The following CD58 variants were observed in gnomAD, a reference collection of about 807,000 sequenced individuals.
CD58 encodes lymphocyte function-associated antigen 3.
Under a neutral mutation model 27.6 loss-of-function variants are expected in CD58, and 14 were observed. The observed-to-expected ratio is 0.51, with a 90% confidence interval of 0.34 to 0.79. The LOEUF (loss-of-function observed/expected upper bound fraction) is 0.79, where lower values mean the gene tolerates loss of function less well. Among genes scored for constraint, CD58 ranks in the 30% least tolerant of loss-of-function variants. CD58 has a pLI of 0.02. For missense variants in CD58, 268 were observed against 301.7 expected (o/e 0.89, Z 0.83); for synonymous variants, 117 against 103.8 (o/e 1.13, Z -0.77).
In CD58 at chr1:116,528,056, C is replaced by T. The variant is rs140489100; in HGVS notation, c.629-6073G>A. Among the ~76,000 whole-genome samples, 26 of 152,280 alleles carry T rather than the reference C, an allele frequency of 1.7e-4. No individual in the cohort carries two copies. In the East Asian group the frequency reaches 2.9e-3, roughly 17 times the overall value. On this transcript the variant is annotated intron_variant, in intron 3 of 5. Coordinates refer to ENST00000369489, the MANE Select transcript of CD58 (RefSeq NM_001779.3). This position sits in a 1 kb window ranked among gnomAD's most constrained non-coding sequence, Gnocchi z 4.4. ...GGGATTATAGGCATAAGCCACTGCA[C>T]GCAGCGTTCTTTCTCAATTTTTAAA...
At chr1:116,548,670 CA>C (rs1658279060) in intron 1 of CD58, among the ~76,000 whole-genome samples, 1 of 152,098 alleles carries the variant, frequency 6.6e-6, no homozygotes, top group African/African-American at 2.4e-5. Flanking sequence ...AAGAGTTATA[CA>C]TAAATTTTTG....
At position 116,532,645 on chromosome 1, in the gene CD58, G is replaced by A. The variant is rs1657654336; in HGVS notation, c.628+3320C>T. On this transcript the variant is annotated intron_variant, in intron 3 of 5. Transcript: ENST00000369489. This position sits in a 1 kb window ranked among gnomAD's most constrained non-coding sequence, Gnocchi z 5.1. The stretch of plus-strand genomic sequence containing the variant: ...CCCACCCCACCCCAATGGGGTCTAT[G>A]GGGCCCTCCCGCAGGGAAGGGTCCA... Among the ~76,000 whole-genome samples, 1 of 143,878 alleles carries A rather than the reference G, an allele frequency of 7.0e-6. No individual in the cohort carries two copies. The highest frequency in any genetic ancestry group is 1.5e-5 in the Non-Finnish European group (1 of 65,262). 94.4% of individuals were successfully genotyped at this position (143,878 alleles called of 152,430 possible).
intron 1 of CD58, among the ~76,000 whole-genome samples, chr1:116,567,150 AG>A (rs1478543341): frequency 6.8e-6 from 1 of 147,112 alleles, no homozygotes; most frequent in East Asian, 2.0e-4. Flanking sequence ...AAAAGAAAAG[AG>A]AAAAGGCAAT....
Position 116,546,873 on chromosome 1 carries a change from G to C in CD58, c.71-2269C>G, listed in dbSNP as rs1025262972. ...TTTCTTCCGCCTCTGCCATCCCTGA[G>C]ATAGCAAGACCAACCCCTCCTCCCA... is the stretch of plus-strand genomic sequence containing the variant. On this transcript the variant is annotated intron_variant, in intron 1 of 5. Coordinates refer to ENST00000369489, the MANE Select transcript of CD58 (RefSeq NM_001779.3). The surrounding 1 kb of genome is among the most constrained non-coding windows in gnomAD (Gnocchi z 4.1). 8.5e-5 allele frequency among the ~76,000 whole-genome samples: 13 copies of C among 152,120 alleles called. No individual in the cohort carries two copies. The highest frequency in any genetic ancestry group is 3.1e-4 in the African/African-American group (13 of 41,412).
chr1:116,566,905 G>A (rs771837121), intron 1 of CD58, among the ~76,000 whole-genome samples: 2 of 151,778 alleles, frequency 1.3e-5, no homozygotes, highest in African/African-American at 4.8e-5. Context: ...TTGGGAAACT[G>A]ACTTGGGAGG....
chr1:116,518,623 T>C (rs1038760511), intron 5 of CD58: 7 of 975,842 alleles, frequency 7.2e-6, no homozygotes, highest in Non-Finnish European at 8.5e-6. Flanking sequence ...CTTCCCCTCA[T>C]CCCTCAACAC....
chr1:116,545,623 A>G (rs908693659), intron 1 of CD58, among the ~76,000 whole-genome samples: 2 of 152,166 alleles, frequency 1.3e-5, no homozygotes, highest in Non-Finnish European at 2.9e-5. Flanking sequence ...CGAGGGTGTG[A>G]TGAAGATTAA....
chr1:116,549,501 AAC>A (rs907486890), intron 1 of CD58, among the ~76,000 whole-genome samples: 9 of 152,222 alleles, frequency 5.9e-5, no homozygotes, highest in Non-Finnish European at 8.8e-5. Flanking sequence ...GCATCAAACA[AAC>A]ACAATTCTAG....
chr1:116,534,497 C>T lies in CD58; in HGVS notation c.628+1468G>A, dbSNP rs1185402830. The stretch of plus-strand genomic sequence containing the variant: ...ATTTGAGCTGCCAGCCCCCACTCGC[C>T]GCCCTCTACGCCTCCTCCGCTGGGC... On this transcript the variant is annotated intron_variant, in intron 3 of 5. Transcript: ENST00000369489. This position sits in a 1 kb window ranked among gnomAD's most constrained non-coding sequence, Gnocchi z 5.3. 6.6e-6 allele frequency among the ~76,000 whole-genome samples: 1 copy of T among 152,210 alleles called. No homozygotes were observed. The highest frequency in any genetic ancestry group is 1.5e-5 in the Non-Finnish European group (1 of 68,038).
intron 3 of CD58, among the ~76,000 whole-genome samples, chr1:116,530,818 G>T (rs899287575): frequency 6.6e-6 from 1 of 152,040 alleles, no homozygotes; most frequent in African/African-American, 2.4e-5. Context: ...CTGTTCAAAA[G>T]AACCATTAAG....
At chr1:116,551,797 T>C (rs899938014) in intron 1 of CD58, among the ~76,000 whole-genome samples, 2 of 145,848 alleles carry the variant, frequency 1.4e-5, no homozygotes, top group East Asian at 2.2e-4. Context: ...TGGAGTGCAA[T>C]AGTGCCATCT....
At chr1:116,530,017 G>C (rs1015461935) in intron 3 of CD58, among the ~76,000 whole-genome samples, 2 of 152,062 alleles carry the variant, frequency 1.3e-5, no homozygotes, top group African/African-American at 2.4e-5. Context: ...TATAGTATGG[G>C]TTTCTCTAGC....
Position 116,563,444 on chromosome 1 carries a change from T to TGG in CD58, c.70+7457_70+7458dup, listed in dbSNP as rs1658824614. 6.6e-6 allele frequency among the ~76,000 whole-genome samples: 1 copy of TGG among 152,198 alleles called. No individual in the cohort carries two copies. Among genetic ancestry groups the TGG allele is most frequent in the African/African-American group, 2.4e-5 (1 of 41,540 alleles). On this transcript the variant is annotated intron_variant, in intron 1 of 5. Coordinates refer to ENST00000369489, the MANE Select transcript of CD58 (RefSeq NM_001779.3). This position sits in a 1 kb window ranked among gnomAD's most constrained non-coding sequence, Gnocchi z 4.1. ...GCGGTGCCCCAGTGGGGACTCTGTG[T>TGG]GGGGGCTCCAACTCCACATTTCCCT...
At position 116,557,460 on chromosome 1, in the gene CD58, C is replaced by T. The variant is rs1658601289; in HGVS notation, c.71-12856G>A. On this transcript the variant is annotated intron_variant, in intron 1 of 5. Transcript: ENST00000369489. The surrounding 1 kb of genome is among the most constrained non-coding windows in gnomAD (Gnocchi z 5.2). ...CTGTCCCTTTTGAGATGTTCCCTCT[C>T]AAGTTTAAGTAGATTTTACCAACTA... 6.6e-6 allele frequency among the ~76,000 whole-genome samples: 1 copy of T among 152,136 alleles called. No homozygotes were observed. The highest frequency in any genetic ancestry group is 1.5e-5 in the Non-Finnish European group (1 of 68,028).
In CD58 at chr1:116,534,103, T is replaced by G; in HGVS notation, c.628+1862A>C. On this transcript the variant is annotated intron_variant, in intron 3 of 5. Coordinates refer to ENST00000369489, the MANE Select transcript of CD58 (RefSeq NM_001779.3). The surrounding 1 kb of genome is among the most constrained non-coding windows in gnomAD (Gnocchi z 5.3). The stretch of plus-strand genomic sequence containing the variant: ...ACTGTTATCTGCCATCTGAATGTTT[T>G]TATCCCCTTGTCTGGTAAACCAAGT... 1 of 778,066 alleles carries G rather than the reference T, an allele frequency of 1.3e-6. No individual in the cohort carries two copies. Among genetic ancestry groups the G allele is most frequent in the Non-Finnish European group, 2.3e-6 (1 of 436,562 alleles). The allele number at this position is 778,066 out of a possible 1,614,324, so 48.2% of individuals were successfully genotyped here.
At chr1:116,558,506 T>C (rs192388347) in intron 1 of CD58, among the ~76,000 whole-genome samples, 1 of 152,348 alleles carries the variant, frequency 6.6e-6, no homozygotes, top group East Asian at 1.9e-4. Context: ...ATTTATAGTA[T>C]TGAGGAGCGG....
At chr1:116,537,802 GC>G (rs1657861747) in intron 2 of CD58, among the ~76,000 whole-genome samples, 1 of 152,122 alleles carries the variant, frequency 6.6e-6, no homozygotes, top group Admixed American at 6.5e-5. Flanking sequence ...GAGGAAACAT[GC>G]AAAAACATAT....
intron 1 of CD58, among the ~76,000 whole-genome samples, chr1:116,549,404 A>G (rs1007178829): frequency 6.6e-6 from 1 of 152,164 alleles, no homozygotes; most frequent in Non-Finnish European, 1.5e-5. Flanking sequence ...TAAGAGAACA[A>G]TTATGCAGAC....
At chr1:116,525,531 A>G (rs549701130) in intron 3 of CD58, among the ~76,000 whole-genome samples, 2 of 152,332 alleles carry the variant, frequency 1.3e-5, no homozygotes, top group Admixed American at 1.3e-4. Flanking sequence ...TAAGTTTTTA[A>G]TGCCTTCGGG....
Sources: allele counts gnomAD v4.1 joint callset (sites outside exome capture counted in the v4.1 genomes callset), GRCh38; gene constraint gnomAD v4.1.1; non-coding constraint Gnocchi (gnomAD v3.1); transcripts MANE v1.5; gene names NCBI Gene and HGNC (gene_info 2026-07-23, HGNC 2026-07-21).